TUB: variants seen among roughly 807,000 people sequenced by gnomAD.
TUB encodes the protein TUB bipartite transcription factor, also known as tubby protein homolog.
A neutral mutation model predicts 59.7 loss-of-function variants in TUB; 33 were observed. The observed-to-expected ratio is 0.55, with a 90% CI of 0.42 to 0.74. TUB has a LOEUF of 0.74. Ranked by LOEUF, TUB falls within the 30% of genes least tolerant of loss-of-function variation. The probability of loss-of-function intolerance (pLI) is 0.00; values close to 1 mark genes in which losing one functional copy is unlikely to be tolerated. For synonymous variants in TUB, 293 were observed against 256.4 expected, an observed-to-expected ratio of 1.14 and a Z score of -1.36; for missense variants, 659 against 672.0, an observed-to-expected ratio of 0.98 and a Z score of 0.21.
At chr11:8,078,351 G>T (rs1050502647), upstream of TUB, among the ~76,000 whole-genome samples, 6 of 152,178 alleles carry the variant, frequency 3.9e-5, no homozygotes, top group African/African-American at 1.4e-4. Flanking sequence ...TGGGATTGCT[G>T]TGTGGTGGTG....
intron 1 of TUB, among the ~76,000 whole-genome samples, chr11:8,022,664 C>T (rs1327937487): frequency 5.3e-5 from 8 of 152,258 alleles, no homozygotes; most frequent in Admixed American, 4.6e-4. Context: ...CCAAGGCGGG[C>T]GGATTACCTG....
intron 9 of TUB, among the ~76,000 whole-genome samples, chr11:8,099,698 A>C (rs975138665): frequency 6.6e-6 from 1 of 152,236 alleles, no homozygotes; most frequent in African/African-American, 2.4e-5. Context: ...CACTAAGAAG[A>C]AAAAGTAGGG....
Position 8,102,466 on chromosome 11 carries a change from G to A in TUB, c.*847G>A, listed in dbSNP as rs1944348412. 6.6e-6 allele frequency: 1 copy of A among 152,214 alleles called. No homozygotes were observed. Among genetic ancestry groups the A allele is most frequent in the Non-Finnish European group, 1.5e-5 (1 of 68,086 alleles). 9.4% of individuals were successfully genotyped at this position (152,214 alleles called of 1,614,324 possible). A position where few individuals can be genotyped will look rare whatever the true frequency, so the allele number is the denominator to read the frequency against. On this transcript the variant is annotated 3_prime_UTR_variant, in exon 12 of 12. Coordinates refer to ENST00000299506, the MANE Select transcript of TUB (RefSeq NM_177972.3). The stretch of plus-strand genomic sequence containing the variant: ...AGCTTCCCCAGGAGCTCTCTGCTGA[G>A]CAGCCCAGCACAACCCCCAGGAAAC...
chr11:8,058,374 G>A (rs573582645), intron 2 of TUB, among the ~76,000 whole-genome samples: 15 of 152,284 alleles, frequency 9.9e-5, no homozygotes, highest in Admixed American at 5.9e-4. Context: ...CCACGTGACC[G>A]TGCACTGCTG....
exon 1 of TUB, chr11:8,019,348 A>G: frequency 7.9e-7 from 1 of 1,269,280 alleles, no homozygotes. Context: ...CAGCCGCTGG[A>G]GCTATGACAG....
chr11:8,096,779 C>T lies in TUB; in HGVS notation c.660C>T (p.Ser220=), dbSNP rs1277438697. The T allele has an allele frequency of 6.2e-7, 1 of 1,614,184 alleles. No individual in the cohort carries two copies. Among genetic ancestry groups the T allele is most frequent in the Non-Finnish European group, 8.5e-7 (1 of 1,180,002 alleles). The change falls in exon 6 of 12, where the codon AGC becomes AGT. Residue 220 remains serine (S), a synonymous_variant. Transcript: ENST00000299506. ...AGCTAAATAGTAACACCCGCCCCAG[C>T]TCTGCTACTAGCAGGAAGTCCGTCA... The part of the protein sequence containing the change: ...SSQLNSNTRP[S]SATSRKSVRE...
chr11:8,099,882 G>A (rs1188250424), intron 9 of TUB, among the ~76,000 whole-genome samples: 3 of 152,338 alleles, frequency 2.0e-5, no homozygotes, highest in African/African-American at 2.4e-5. Flanking sequence ...AAGGAATGGA[G>A]TGGATACCAG....
chr11:8,019,481 C>G, intron 1 of TUB: 2 of 1,020,478 alleles, frequency 2.0e-6, no homozygotes, highest in South Asian at 1.0e-4. Context: ...GGCTTGGGCA[C>G]CCGGACCCTC....
At chr11:8,098,976 C>A in intron 9 of TUB, 101 bp downstream of exon 9, 1 of 890,972 alleles carries the variant, frequency 1.1e-6, no homozygotes, top group Non-Finnish European at 1.8e-6. Flanking sequence ...AGTGGGTAGA[C>A]AAGGCTGTGT....
chr11:8,051,219 A>T (rs1287706424), intron 2 of TUB, among the ~76,000 whole-genome samples: 1 of 152,218 alleles, frequency 6.6e-6, no homozygotes, highest in Non-Finnish European at 1.5e-5. Context: ...GAGTTTGTTC[A>T]CAAGTGGCAA....
Position 8,081,335 on chromosome 11 carries a change from C to T in TUB, c.-176C>T, listed in dbSNP as rs1010984953. 1.8e-5 allele frequency: 18 copies of T among 979,582 alleles called. No homozygotes were observed. The African/African-American group carries it at 3.0e-4, about 16-fold the overall frequency. 60.7% of individuals were successfully genotyped at this position (979,582 alleles called of 1,614,324 possible). A position where few individuals can be genotyped will look rare whatever the true frequency, so the allele number is the denominator to read the frequency against. ...CGCCTCGCCGCGCCGCGCAGGCAGC[C>T]GCTCGCAGAGCCAGCAGCCGGGGCC... On this transcript the variant is annotated 5_prime_UTR_variant, in exon 1 of 12. Coordinates refer to ENST00000299506, the MANE Select transcript of TUB (RefSeq NM_177972.3).
chr11:8,106,117 T>G lies in TUB; in HGVS notation c.*4498T>G. 1 of 152,248 alleles carries G rather than the reference T, an allele frequency of 6.6e-6. No homozygotes were observed. Among genetic ancestry groups the G allele is most frequent in the East Asian group, 1.9e-4 (1 of 5,200 alleles). 9.4% of individuals were successfully genotyped at this position (152,248 alleles called of 1,614,324 possible). ...ACTTTGGTATTCTGGAGCAAATGTA[T>G]TTATTTATTGGTATGTGCAATGACA... is the stretch of plus-strand genomic sequence containing the variant. On this transcript the variant is annotated 3_prime_UTR_variant, in exon 12 of 12. Coordinates refer to ENST00000299506, the MANE Select transcript of TUB (RefSeq NM_177972.3).
chr11:8,079,613 C>G (rs1943505752), upstream of TUB, among the ~76,000 whole-genome samples: 1 of 152,044 alleles, frequency 6.6e-6, no homozygotes. Context: ...TGGATCTGAC[C>G]TGTCCTGAGC....
chr11:8,054,293 T>C (rs959930469), intron 2 of TUB, among the ~76,000 whole-genome samples: 3 of 152,196 alleles, frequency 2.0e-5, no homozygotes, highest in African/African-American at 7.2e-5. Context: ...TGTGTTGAGA[T>C]TTTTAATTTA....
chr11:8,022,931 AAAAAC>A (rs895439218), intron 1 of TUB, among the ~76,000 whole-genome samples: 11 of 151,964 alleles, frequency 7.2e-5, no homozygotes, highest in Non-Finnish European at 1.2e-4. Flanking sequence ...ACACACAAAC[AAAAAC>A]AAAACAACAA....
intron 1 of TUB, among the ~76,000 whole-genome samples, chr11:8,031,327 A>G (rs1942567849): frequency 6.6e-6 from 1 of 152,226 alleles, no homozygotes; most frequent in Admixed American, 6.5e-5. Flanking sequence ...CCAAGATTAC[A>G]CTTAATGGGG....
chr11:8,039,714 C>T (rs746913906), intron 2 of TUB: 6 of 1,500,954 alleles, frequency 4.0e-6, no homozygotes, highest in East Asian at 5.1e-5. Context: ...GGGAGGAGGG[C>T]GTGCCGGCCC....
intron 2 of TUB, among the ~76,000 whole-genome samples, chr11:8,043,529 T>A (rs920307587): frequency 1.3e-5 from 2 of 152,232 alleles, no homozygotes; most frequent in African/African-American, 4.8e-5. Flanking sequence ...GCCATCTTAA[T>A]AGTATATAGT....
rs1944306300 is a variant in TUB, at chr11:8,101,541, T to C, written c.1443T>C (p.Asp481=). 3 of 1,614,204 alleles carry C rather than the reference T, an allele frequency of 1.9e-6. No individual in the cohort carries two copies. The African/African-American group carries it at 4.0e-5, about 22-fold the overall frequency. Residue 481 remains aspartate (D), a synonymous_variant, in exon 12 of 12, where the codon GAT becomes GAC. Coordinates refer to ENST00000299506, the MANE Select transcript of TUB (RefSeq NM_177972.3). ...GRVAEDVFTM[D]YNYPLCALQA... Reference sequence around the variant, plus strand: ...TAGCAGAGGATGTGTTCACCATGGATTACAACTACCCGCTGTGTGCACTGC... The same window carrying C: ...TAGCAGAGGATGTGTTCACCATGGACTACAACTACCCGCTGTGTGCACTGC...
Sources: allele counts gnomAD v4.1 joint callset (sites outside exome capture counted in the v4.1 genomes callset), GRCh38; gene constraint gnomAD v4.1.1; transcripts MANE v1.5; gene names NCBI Gene and HGNC (gene_info 2026-07-23, HGNC 2026-07-21).